MACF1: variants seen among roughly 807,000 people sequenced by gnomAD.
MACF1 encodes the protein microtubule actin crosslinking factor 1.
In MACF1, 193 loss-of-function variants were observed where a neutral mutation model predicts 854.8. The ratio of observed to expected loss-of-function variants is 0.23; its 90% CI spans 0.20 to 0.25. The LOEUF (loss-of-function observed/expected upper bound fraction) is 0.25, where lower values mean the gene tolerates loss of function less well. Ranked by LOEUF, MACF1 falls within the 10% of genes least tolerant of loss-of-function variation. MACF1 has a pLI of 1.00. For missense variants in MACF1, 7,722 were observed against 8,929.1 expected, an observed-to-expected ratio of 0.86 and a Z score of 5.45; for synonymous variants, 3,185 against 3,226.7, an observed-to-expected ratio of 0.99 and a Z score of 0.44.
intron 2 of MACF1, among the ~76,000 whole-genome samples, chr1:39,145,390 A>G (rs1643439615): frequency 6.6e-6 from 1 of 152,116 alleles, no homozygotes; most frequent in Non-Finnish European, 1.5e-5. Context: ...GTCTCTGGGC[A>G]TATACATATA....
intron 49 of MACF1, among the ~76,000 whole-genome samples, chr1:39,362,309 G>T (rs186905973): frequency 6.6e-6 from 1 of 152,062 alleles, no homozygotes; most frequent in Admixed American, 6.6e-5. Context: ...TGCTGCCTTC[G>T]CTTTATCCAG....
chr1:39,269,861 T>C, intron 6 of MACF1: 1 of 570,902 alleles, frequency 1.8e-6, no homozygotes, highest in East Asian at 6.9e-5. Flanking sequence ...CTGCTGGAGC[T>C]CAGCAAGCAG....
chr1:39,111,036 C>CA (rs1642388764), intron 2 of MACF1, among the ~76,000 whole-genome samples: 1 of 152,152 alleles, frequency 6.6e-6, no homozygotes, highest in African/African-American at 2.4e-5. Context: ...CTTTCAGCTT[C>CA]TGATAATTAT....
chr1:39,181,293 G>C (rs1644101811), intron 2 of MACF1, among the ~76,000 whole-genome samples: 1 of 152,210 alleles, frequency 6.6e-6, no homozygotes, highest in East Asian at 1.9e-4. Context: ...ATTTGATAGA[G>C]CATAGGGAAA....
intron 58 of MACF1, among the ~76,000 whole-genome samples, chr1:39,395,228 A>G (rs1642225551): frequency 6.6e-6 from 1 of 152,198 alleles, no homozygotes; most frequent in African/African-American, 2.4e-5. Context: ...TTGTACAACT[A>G]AAAATGTCTC....
chr1:39,108,838 T>G (rs1418995431), intron 2 of MACF1, among the ~76,000 whole-genome samples: 1 of 152,230 alleles, frequency 6.6e-6, no homozygotes, highest in Non-Finnish European at 1.5e-5. Flanking sequence ...CTTTACTTGC[T>G]GGGCTGGGCT....
At chr1:39,230,597 A>C (rs1644766375) in intron 1 of MACF1, among the ~76,000 whole-genome samples, 1 of 151,926 alleles carries the variant, frequency 6.6e-6, no homozygotes, top group South Asian at 2.1e-4. Context: ...AAAAAAAAAA[A>C]CCTGGAGAAA....
At chr1:39,166,512 A>C (rs936419668) in intron 2 of MACF1, among the ~76,000 whole-genome samples, 9 of 151,422 alleles carry the variant, frequency 5.9e-5, no homozygotes, top group African/African-American at 1.9e-4. Flanking sequence ...GCTGGAGTGC[A>C]GTGGTGCGAT....
Position 39,335,663 on chromosome 1 carries a change from A to G in MACF1, c.9075A>G (p.Lys3025=), listed in dbSNP as rs1646798826. 1.2e-6 allele frequency: 2 copies of G among 1,614,116 alleles called. No individual in the cohort carries two copies. The highest frequency in any genetic ancestry group is 1.1e-5 in the South Asian group (1 of 91,060). ...SQPREMTSSE[K]GKEADTEMGF... is the part of the protein sequence containing the mutation. Reference sequence around the variant, plus strand: ...CTAGGGAAATGACCTCAAGTGAAAAAGGGAAAGAAGCTGATACAGAAATGG... The same window carrying G: ...CTAGGGAAATGACCTCAAGTGAAAAGGGGAAAGAAGCTGATACAGAAATGG... Residue 3025 remains lysine, a synonymous_variant, in exon 37 of 101, where the codon AAA becomes AAG. Coordinates refer to ENST00000564288, the MANE Select transcript of MACF1 (RefSeq NM_001394062.1).
At chr1:39,186,222 G>GTC (rs376401991) in intron 2 of MACF1, among the ~76,000 whole-genome samples, 1 of 115,974 alleles carries the variant, frequency 8.6e-6, no homozygotes, top group African/African-American at 3.9e-5. Flanking sequence ...CTCTGTGTGT[G>GTC]TGTGTGTGTG....
intron 1 of MACF1, among the ~76,000 whole-genome samples, chr1:39,220,530 G>A (rs916825246): frequency 1.4e-5 from 2 of 143,482 alleles, no homozygotes; most frequent in Middle Eastern, 4.1e-3. Context: ...CCACCCAGGC[G>A]GGAGTGCAGT....
At chr1:39,418,943 C>T (rs1437085043) in intron 58 of MACF1, among the ~76,000 whole-genome samples, 1 of 152,004 alleles carries the variant, frequency 6.6e-6, no homozygotes, top group Non-Finnish European at 1.5e-5. Context: ...GTCCTAGTTG[C>T]ATCTTACAAC....
intron 93 of MACF1, among the ~76,000 whole-genome samples, 189 bp from the exon 94 acceptor site, chr1:39,463,423 A>T (rs1644597423): frequency 6.6e-6 from 1 of 151,390 alleles, no homozygotes; most frequent in Admixed American, 6.6e-5. Context: ...CAGGAGGCGG[A>T]GGTTGTGGTG....
In MACF1 at chr1:39,442,275, C is replaced by G; in HGVS notation, c.18903C>G (p.Leu6301=). 6.2e-7 allele frequency: 1 copy of G among 1,607,526 alleles called. No individual in the cohort carries two copies. The highest frequency in any genetic ancestry group is 8.5e-7 in the Non-Finnish European group (1 of 1,177,904). Residue 6301 remains leucine (L), a synonymous_variant, in exon 76 of 101, where the codon CTC becomes CTG. Transcript: ENST00000564288. ...RDIIREPLTE[L]KHLWENLGEK... ...TTATACGAGAACCACTGACAGAACTCAAACACCTCTGGGAGAACCTGGGTG... is the reference window on the plus strand; with the variant it reads ...TTATACGAGAACCACTGACAGAACTGAAACACCTCTGGGAGAACCTGGGTG...
intron 1 of MACF1, among the ~76,000 whole-genome samples, chr1:39,211,258 A>G (rs1200927878): frequency 6.6e-6 from 1 of 152,018 alleles, no homozygotes; most frequent in African/African-American, 2.4e-5. Flanking sequence ...ATGAGCCACC[A>G]CGCCCAGCCT....
chr1:39,396,443 T>A (rs143488600), intron 58 of MACF1, among the ~76,000 whole-genome samples: 1 of 152,238 alleles, frequency 6.6e-6, no homozygotes, highest in Non-Finnish European at 1.5e-5. Flanking sequence ...ACAACTAAGA[T>A]TTATCATTTG....
In MACF1 at chr1:39,412,140, C is replaced by T. The variant is rs1468707926; in HGVS notation, c.15817-10234C>T. The T allele has an allele frequency of 5.6e-6, 9 of 1,613,926 alleles. No individual in the cohort carries two copies. The East Asian group carries it at 1.3e-4, about 24-fold the overall frequency. On this transcript the variant is annotated intron_variant, in intron 58 of 100. Coordinates refer to ENST00000564288, the MANE Select transcript of MACF1 (RefSeq NM_001394062.1). Reference sequence around the variant, plus strand: ...CAGGCTTCATTGCTTCTGAGCTGGCCAAAGACAATGGCAGTTTGTCCCAGG... The same window carrying T: ...CAGGCTTCATTGCTTCTGAGCTGGCTAAAGACAATGGCAGTTTGTCCCAGG...
chr1:39,253,509 A>AT (rs34578005), intron 4 of MACF1, among the ~76,000 whole-genome samples: 45,864 of 91,890 alleles, frequency 0.5, 13,681 homozygotes, highest in South Asian at 0.76. Flanking sequence ...AGCTATCTGT[A>AT]TTTTTTTTTT....
chr1:39,261,963 T>C (rs1323618830), intron 6 of MACF1, among the ~76,000 whole-genome samples: 2 of 152,212 alleles, frequency 1.3e-5, no homozygotes, highest in Non-Finnish European at 2.9e-5. Flanking sequence ...CACCAGTATT[T>C]ATTGTCTGTT....
Sources: gnomAD v4.1 joint callset for allele counts (sites outside exome capture counted in the v4.1 genomes callset) on GRCh38, gnomAD v4.1.1 for gene constraint, MANE v1.5 for transcripts, NCBI Gene and HGNC (gene_info 2026-07-23, HGNC 2026-07-21) for gene names.